Variants in SUGCT observed in about 807,000 individuals in gnomAD.
SUGCT encodes the protein succinyl-CoA:glutarate-CoA transferase.
Under a neutral mutation model 55.0 loss-of-function variants are expected in SUGCT, and 41 were observed. The observed-to-expected ratio is 0.74, with a 90% CI of 0.58 to 0.97. The LOEUF (loss-of-function observed/expected upper bound fraction) is 0.97, where lower values mean the gene tolerates loss of function less well. Among genes scored for constraint, SUGCT ranks in the 50% least tolerant of loss-of-function variants. SUGCT has a pLI of 0.00. For synonymous variants in SUGCT, 187 were observed against 200.4 expected (o/e 0.93, Z 0.56); for missense variants, 568 against 547.8 (o/e 1.04, Z -0.37).
At chr7:40,813,359 C>T (rs1791515775) in intron 13 of SUGCT, among the ~76,000 whole-genome samples, 2 of 151,870 alleles carry the variant, frequency 1.3e-5, no homozygotes, top group Admixed American at 1.3e-4. Context: ...TTTCATATGT[C>T]TAAAAGTACT....
intron 6 of SUGCT, among the ~76,000 whole-genome samples, chr7:40,218,871 G>A (rs946920001): frequency 7.2e-5 from 11 of 152,212 alleles, no homozygotes; most frequent in Non-Finnish European, 1.3e-4. Flanking sequence ...GGACCAATCA[G>A]CAGCATGTGG....
At chr7:40,389,597 A>C (rs956961874) in intron 9 of SUGCT, among the ~76,000 whole-genome samples, 1 of 152,314 alleles carries the variant, frequency 6.6e-6, no homozygotes, top group East Asian at 1.9e-4. Flanking sequence ...TTTATATCCT[A>C]AGCACTTTAT....
intron 10 of SUGCT, among the ~76,000 whole-genome samples, chr7:40,458,260 T>C (rs1789593605): frequency 6.6e-6 from 1 of 152,258 alleles, no homozygotes; most frequent in South Asian, 2.1e-4. Flanking sequence ...TAAATACTCC[T>C]TGTGACTTTC....
intron 13 of SUGCT, among the ~76,000 whole-genome samples, chr7:40,751,381 G>T (rs376283720): frequency 6.6e-6 from 1 of 152,108 alleles, no homozygotes; most frequent in Non-Finnish European, 1.5e-5. Context: ...GCTTAAAGCC[G>T]GCGGTCAGGT....
In SUGCT at chr7:40,353,850, C is replaced by CTGGGTT. The variant is rs1488614840; in HGVS notation, c.816+36998_816+37003dup. 4.6e-5 allele frequency among the ~76,000 whole-genome samples: 7 copies of CTGGGTT among 152,064 alleles called. No individual in the cohort carries two copies. The East Asian group carries it at 1.3e-3, about 29-fold the overall frequency. Reference sequence around the variant, plus strand: ...CTTACTTCTGATAAAATTGGATATACTGGGTTTGTTTCAGGCTCCTGTAGC... The same window carrying CTGGGTT: ...CTTACTTCTGATAAAATTGGATATACTGGGTTTGGGTTTGTTTCAGGCTCCTGTAGC... On this transcript the variant is annotated intron_variant, in intron 9 of 13. Coordinates refer to ENST00000335693, the MANE Select transcript of SUGCT (RefSeq NM_001193313.2).
chr7:40,488,787 C>T (rs1460471480), intron 11 of SUGCT, among the ~76,000 whole-genome samples: 1 of 152,126 alleles, frequency 6.6e-6, no homozygotes, highest in Non-Finnish European at 1.5e-5. Context: ...TATATCATCT[C>T]ACTCTCTCCT....
intron 12 of SUGCT, among the ~76,000 whole-genome samples, chr7:40,641,618 C>T (rs1299116419): frequency 6.6e-6 from 1 of 152,128 alleles, no homozygotes; most frequent in African/African-American, 2.4e-5. Flanking sequence ...TCGAGGAAAA[C>T]CAAACAAACC....
intron 11 of SUGCT, among the ~76,000 whole-genome samples, chr7:40,479,506 A>G (rs1028715368): frequency 6.6e-6 from 1 of 152,160 alleles, no homozygotes; most frequent in African/African-American, 2.4e-5. Flanking sequence ...TGAATTACTT[A>G]GCAATGCATT....
chr7:40,602,494 C>A (rs1798343766), intron 12 of SUGCT, among the ~76,000 whole-genome samples: 1 of 152,228 alleles, frequency 6.6e-6, no homozygotes, highest in African/African-American at 2.4e-5. Context: ...TTATTGCTAA[C>A]AGGCTTCAGA....
intron 9 of SUGCT, among the ~76,000 whole-genome samples, chr7:40,379,929 CCCTTGAT>C (rs1784788678): frequency 6.6e-6 from 1 of 152,170 alleles, no homozygotes; most frequent in African/African-American, 2.4e-5. Context: ...CCTCAGATCT[CCCTTGAT>C]AAGTTTTTTT....
chr7:40,380,746 T>C (rs1194699098), intron 9 of SUGCT, among the ~76,000 whole-genome samples: 1 of 152,206 alleles, frequency 6.6e-6, no homozygotes, highest in Non-Finnish European at 1.5e-5. Context: ...TGAATGGCAT[T>C]TTGTCAAAAT....
In SUGCT at chr7:40,237,655, A is replaced by G. The variant is rs182264325; in HGVS notation, c.505A>G (p.Ile169Val). Residue 169 changes from isoleucine (I) to valine (V), a missense_variant, in exon 7 of 14, where the codon ATT becomes GTT. By Grantham distance (29) the Ile-to-Val change is conservative (BLOSUM62 3). Transcript: ENST00000335693. ...TTTAGGGTATGGTCAGACAGGTCCA[A>G]TTTCTCAGCGAGCTGGTTATGATGC... ...SITGYGQTGP[I>V]SQRAGYDAVA... 181 of 1,613,868 alleles carry G rather than the reference A, an allele frequency of 1.1e-4. 1 individual carries two copies. In the Admixed American group the frequency reaches 2.6e-3, roughly 23 times the overall value.
intron 12 of SUGCT, among the ~76,000 whole-genome samples, chr7:40,734,374 C>T (rs1179862365): frequency 1.3e-5 from 2 of 152,208 alleles, no homozygotes; most frequent in African/African-American, 4.8e-5. Flanking sequence ...ATAGGCTCTG[C>T]TGTCAGATAG....
intron 9 of SUGCT, among the ~76,000 whole-genome samples, chr7:40,400,082 AT>A (rs1407317227): frequency 6.6e-6 from 1 of 151,948 alleles, no homozygotes; most frequent in Non-Finnish European, 1.5e-5. Flanking sequence ...AAATAAATAG[AT>A]TTTATCTATC....
At chr7:40,528,974 T>A (rs1471064041) in intron 12 of SUGCT, among the ~76,000 whole-genome samples, 14 of 152,162 alleles carry the variant, frequency 9.2e-5, no homozygotes, top group Admixed American at 9.2e-4. Context: ...TATTATGGTA[T>A]TCTTACAAAT....
intron 13 of SUGCT, among the ~76,000 whole-genome samples, chr7:40,854,419 C>CCTTTCTTT (rs70990650): frequency 0.16 from 14,060 of 87,948 alleles, 1,107 homozygotes; most frequent in South Asian, 0.18. Flanking sequence ...TTCTTTCTTT[C>CCTTTCTTT]CTTTCTTTCT....
intron 9 of SUGCT, among the ~76,000 whole-genome samples, chr7:40,429,572 A>G (rs1376300487): frequency 1.3e-5 from 2 of 152,132 alleles, no homozygotes; most frequent in African/African-American, 2.4e-5. Flanking sequence ...CCGATGTTTG[A>G]CGACAGGAAG....
chr7:40,949,358 C>T, the SUGCT span, among the ~76,000 whole-genome samples: 5 of 152,160 alleles, frequency 3.3e-5, no homozygotes, highest in East Asian at 9.7e-4. Context: ...GATATTAGCC[C>T]TTTGTCAGAT....
At chr7:40,813,817 G>A (rs1040396696) in intron 13 of SUGCT, among the ~76,000 whole-genome samples, 2 of 152,082 alleles carry the variant, frequency 1.3e-5, no homozygotes, top group Admixed American at 6.6e-5. Flanking sequence ...TAGGGTCTGT[G>A]GGCTATGTCC....
Sources: allele counts gnomAD v4.1 joint callset (sites outside exome capture counted in the v4.1 genomes callset), GRCh38; gene constraint gnomAD v4.1.1; transcripts MANE v1.5; gene names NCBI Gene and HGNC (gene_info 2026-07-23, HGNC 2026-07-21).